FBXL17: variants seen among roughly 807,000 people sequenced by gnomAD.
FBXL17 encodes the protein F-box/LRR-repeat protein 17.
Under a neutral mutation model 66.2 loss-of-function variants are expected in FBXL17, and 22 were observed. The observed-to-expected ratio is 0.33, with a 90% CI of 0.24 to 0.47. The LOEUF (loss-of-function observed/expected upper bound fraction) is 0.47. FBXL17 is among the 20% of genes least tolerant of loss of function. FBXL17 has a pLI of 1.00. For missense variants in FBXL17, 878 were observed against 948.2 expected (o/e 0.93, Z 0.97); for synonymous variants, 474 against 400.5 (o/e 1.18, Z -2.19).
At chr5:108,280,153 C>T (rs1052654269) in intron 4 of FBXL17, among the ~76,000 whole-genome samples, 1 of 152,060 alleles carries the variant, frequency 6.6e-6, no homozygotes, top group African/African-American at 2.4e-5. Context: ...GCAAAAATGA[C>T]TTTGCCATAG....
chr5:108,180,625 C>CT (rs971231365), intron 6 of FBXL17, among the ~76,000 whole-genome samples: 27 of 152,158 alleles, frequency 1.8e-4, no homozygotes, highest in Admixed American at 1.4e-3. Flanking sequence ...GGATAACAGT[C>CT]TAAGATTTAA....
At chr5:108,107,570 TG>T (rs944363782) in intron 6 of FBXL17, among the ~76,000 whole-genome samples, 3 of 151,936 alleles carry the variant, frequency 2.0e-5, no homozygotes, top group Non-Finnish European at 4.4e-5. Context: ...CCCAGCACTT[TG>T]GGAGGCCAAG....
At chr5:108,375,367 G>GCACACACA (rs61340348) in intron 1 of FBXL17, among the ~76,000 whole-genome samples, 35,248 of 148,632 alleles carry the variant, frequency 0.24, 4,973 homozygotes, top group Middle Eastern at 0.34. Context: ...CAGAGACCCT[G>GCACACACA]CACACACACA....
At chr5:108,302,908 T>C (rs1347944549) in intron 4 of FBXL17, among the ~76,000 whole-genome samples, 2 of 151,842 alleles carry the variant, frequency 1.3e-5, no homozygotes, top group Non-Finnish European at 2.9e-5. Context: ...ATAATGAATA[T>C]GTAATTCAAT....
At chr5:108,019,233 T>G (rs916779115) in intron 7 of FBXL17, among the ~76,000 whole-genome samples, 1 of 152,172 alleles carries the variant, frequency 6.6e-6, no homozygotes, top group Admixed American at 6.6e-5. Flanking sequence ...GTCCTATATG[T>G]GAAGGAACTT....
At chr5:108,100,909 A>G (rs939490662) in intron 6 of FBXL17, among the ~76,000 whole-genome samples, 4 of 152,222 alleles carry the variant, frequency 2.6e-5, no homozygotes, top group African/African-American at 7.2e-5. Flanking sequence ...ACATTTCACT[A>G]CAAATACAGA....
chr5:108,174,748 C>CAAAAAAAA (rs34237156), intron 6 of FBXL17, among the ~76,000 whole-genome samples: 7 of 92,528 alleles, frequency 7.6e-5, no homozygotes, highest in Middle Eastern at 5.2e-3. Flanking sequence ...CACAAAGAAG[C>CAAAAAAAA]AAAAAAAAAA....
intron 6 of FBXL17, among the ~76,000 whole-genome samples, chr5:108,068,004 C>T (rs1238148865): frequency 2.0e-5 from 3 of 152,164 alleles, no homozygotes; most frequent in East Asian, 1.9e-4. Flanking sequence ...GGTCATCATG[C>T]TTGGACATTT....
intron 6 of FBXL17, among the ~76,000 whole-genome samples, chr5:108,169,109 TCCC>T (rs1561444761): frequency 6.6e-6 from 1 of 152,000 alleles, no homozygotes; most frequent in Non-Finnish European, 1.5e-5. Flanking sequence ...TTTACACTTC[TCCC>T]CCTCTAACAA....
chr5:108,361,480 T>TA (rs1049048456), intron 3 of FBXL17, among the ~76,000 whole-genome samples: 4 of 152,128 alleles, frequency 2.6e-5, no homozygotes, highest in Non-Finnish European at 4.4e-5. Context: ...CACACAGTGA[T>TA]AAAGTTTACA....
At chr5:108,037,433 G>C (rs1746889392) in intron 6 of FBXL17, among the ~76,000 whole-genome samples, 1 of 152,174 alleles carries the variant, frequency 6.6e-6, no homozygotes, top group Non-Finnish European at 1.5e-5. Flanking sequence ...TATTTTCAAA[G>C]AAGGTAGATG....
At chr5:108,361,353 G>T (rs374214903) in intron 3 of FBXL17, among the ~76,000 whole-genome samples, 2 of 152,062 alleles carry the variant, frequency 1.3e-5, no homozygotes, top group Non-Finnish European at 2.9e-5. Context: ...AAAAACAAAA[G>T]CACTTATTCA....
chr5:108,222,357 C>T (rs1368255655), intron 5 of FBXL17, among the ~76,000 whole-genome samples: 2 of 152,162 alleles, frequency 1.3e-5, no homozygotes, highest in African/African-American at 4.8e-5. Context: ...ACATAAACAG[C>T]ATTAGGTGTG....
At chr5:108,167,577 G>A (rs925234328) in intron 6 of FBXL17, among the ~76,000 whole-genome samples, 2 of 152,080 alleles carry the variant, frequency 1.3e-5, no homozygotes, top group Admixed American at 6.6e-5. Flanking sequence ...AGTCTTTCAG[G>A]GTAATTTATG....
intron 1 of FBXL17, among the ~76,000 whole-genome samples, chr5:108,377,008 C>A (rs1293651761): frequency 6.6e-6 from 1 of 152,130 alleles, no homozygotes; most frequent in Non-Finnish European, 1.5e-5. Flanking sequence ...GTGACTACAT[C>A]TGTTCAGATT....
At chr5:108,016,904 C>T (rs962272933) in intron 7 of FBXL17, among the ~76,000 whole-genome samples, 1 of 151,956 alleles carries the variant, frequency 6.6e-6, no homozygotes, top group East Asian at 1.9e-4. Flanking sequence ...CTCAGCCTCT[C>T]GAGTAGCTGG....
chr5:108,064,600 C>T (rs1052678966), intron 6 of FBXL17, among the ~76,000 whole-genome samples: 3 of 152,120 alleles, frequency 2.0e-5, no homozygotes, highest in African/African-American at 7.2e-5. Context: ...AATTGAGAAG[C>T]CTCTCTGGGA....
intron 8 of FBXL17, chr5:107,880,320 C>T (rs1161144975): frequency 2.1e-6 from 2 of 956,038 alleles, no homozygotes; most frequent in African/African-American, 1.8e-5. Flanking sequence ...CTCAAGTGAT[C>T]CTTCTGCCTT....
At chr5:107,877,509 T>G (rs566914270) in intron 8 of FBXL17, among the ~76,000 whole-genome samples, 12 of 152,154 alleles carry the variant, frequency 7.9e-5, no homozygotes, top group Non-Finnish European at 1.6e-4. Flanking sequence ...AAGCATCAGT[T>G]TGGTAAAGTA....
Sources: gnomAD v4.1 joint callset for allele counts (sites outside exome capture counted in the v4.1 genomes callset) on GRCh38, gnomAD v4.1.1 for gene constraint, MANE v1.5 for transcripts, NCBI Gene and HGNC (gene_info 2026-07-23, HGNC 2026-07-21) for gene names.